GPAM: variants seen among roughly 807,000 people sequenced by gnomAD.
GPAM encodes glycerol-3-phosphate acyltransferase, mitochondrial.
In GPAM, 56 loss-of-function variants were observed where a neutral mutation model predicts 105.0. The observed-to-expected ratio is 0.53, with a 90% confidence interval of 0.43 to 0.67. GPAM has a LOEUF of 0.67. Among genes scored for constraint, GPAM ranks in the 30% least tolerant of loss-of-function variants. The pLI is 0.00. For synonymous variants in GPAM, 368 were observed against 354.4 expected (o/e 1.04, Z -0.43); for missense variants, 855 against 989.8 (o/e 0.86, Z 1.83).
chr10:112,161,666 C>T lies in GPAM; in HGVS notation c.1494+1G>A. On this transcript the variant is annotated splice_donor_variant, in intron 15 of 21. Coordinates refer to ENST00000348367, the MANE Select transcript of GPAM (RefSeq NM_001244949.2). LOFTEE classifies it high-confidence loss of function. ...AACTGCAGGTGACATTGCAGACATA[C>T]CTGCCTGTGTCTGTAGAGGAGCAGG... The T allele has an allele frequency of 6.2e-7, 1 of 1,610,088 alleles. No homozygotes were observed. Among genetic ancestry groups the T allele is most frequent in the Non-Finnish European group, 8.5e-7 (1 of 1,176,442 alleles).
chr10:112,191,577 C>T (rs1477042438), intron 1 of GPAM, among the ~76,000 whole-genome samples: 3 of 152,164 alleles, frequency 2.0e-5, no homozygotes, highest in East Asian at 3.9e-4. Flanking sequence ...GGAGCATAGC[C>T]AGGCTCTGTG....
chr10:112,223,302 C>T, the GPAM span, among the ~76,000 whole-genome samples: 1 of 152,222 alleles, frequency 6.6e-6, no homozygotes, highest in Non-Finnish European at 1.5e-5. Flanking sequence ...AGGACTCACA[C>T]TGTTGAATAG....
chr10:112,153,157 A>G lies in GPAM; in HGVS notation c.*393T>C. 1 of 1,037,858 alleles carries G rather than the reference A, an allele frequency of 9.6e-7. No homozygotes were observed. The highest frequency in any genetic ancestry group is 1.2e-6 in the Non-Finnish European group (1 of 858,372). The allele number at this position is 1,037,858 out of a possible 1,614,324, so 64.3% of individuals were successfully genotyped here. On this transcript the variant is annotated 3_prime_UTR_variant, in exon 22 of 22. Coordinates refer to ENST00000348367, the MANE Select transcript of GPAM (RefSeq NM_001244949.2). The stretch of plus-strand genomic sequence containing the variant: ...CAGATAATATACCAACAAATTACCC[A>G]GCAGCACTAAGTATACCATGTAAGA...
At chr10:112,185,311 C>T (rs767701484), upstream of GPAM, among the ~76,000 whole-genome samples, 1 of 150,340 alleles carries the variant, frequency 6.7e-6, no homozygotes. Flanking sequence ...ATCAGGCATG[C>T]GAAAAGAAGC....
At chr10:112,157,720 C>CT (rs1847042847) in intron 18 of GPAM, among the ~76,000 whole-genome samples, 1 of 152,246 alleles carries the variant, frequency 6.6e-6, no homozygotes, top group Admixed American at 6.5e-5. Flanking sequence ...AAAATGAAAA[C>CT]TGCAGATGTG....
At position 112,181,748 on chromosome 10, in the gene GPAM, C is replaced by A; in HGVS notation, c.37G>T (p.Val13Phe). The change falls in exon 3 of 22, where the codon GTT (valine) becomes TTT (phenylalanine). Residue 13 changes from valine to phenylalanine, a missense_variant. By Grantham distance (50) the Val-to-Phe change is conservative. Coordinates refer to ENST00000348367, the MANE Select transcript of GPAM (RefSeq NM_001244949.2). ...TCTGATGAATGTGGCAGATAAGAAA[C>A]ATCTATTGTACCAAGGGTCAGTGCA... Reference protein sequence around the residue: ...ESALTLGTIDVSYLPHSSEYS... With the variant: ...ESALTLGTIDFSYLPHSSEYS... 6.2e-7 allele frequency: 1 copy of A among 1,609,630 alleles called. No individual in the cohort carries two copies.
chr10:112,204,334 T>A (rs1437886861), intron 1 of GPAM, among the ~76,000 whole-genome samples: 1 of 150,058 alleles, frequency 6.7e-6, no homozygotes, highest in African/African-American at 2.5e-5. Flanking sequence ...ACACAAGAGA[T>A]CTGGGGGCTC....
intron 1 of GPAM, among the ~76,000 whole-genome samples, chr10:112,207,843 C>T (rs1262236029): frequency 6.6e-6 from 1 of 152,134 alleles, no homozygotes; most frequent in African/African-American, 2.4e-5. Flanking sequence ...CAGTTGCTGT[C>T]ACAGAGAGAA....
Position 112,157,397 on chromosome 10 carries a change from A to G in GPAM, c.1981-8T>C. 3.1e-6 allele frequency: 5 copies of G among 1,613,536 alleles called. No individual in the cohort carries two copies. The highest frequency in any genetic ancestry group is 4.2e-6 in the Non-Finnish European group (5 of 1,179,522). On this transcript the variant is annotated splice_polypyrimidine_tract_variant and splice_region_variant and intron_variant, in intron 18 of 21. Coordinates refer to ENST00000348367, the MANE Select transcript of GPAM (RefSeq NM_001244949.2). ...ATCTTCCTGGTCATCGTGCTAGGCC[A>G]AGGAGATGATGGATAGTAAATAAAT...
intron 21 of GPAM, 70 bp downstream of exon 21, chr10:112,154,559 C>G: frequency 8.7e-7 from 1 of 1,147,552 alleles, no homozygotes; most frequent in Non-Finnish European, 1.3e-6. Context: ...ACAAAGGTAG[C>G]TCAAACAGAC....
chr10:112,160,380 C>T, intron 16 of GPAM: 3 of 970,024 alleles, frequency 3.1e-6, no homozygotes, highest in Non-Finnish European at 3.7e-6. Context: ...GACACTCTAC[C>T]TCTCCTGAAA....
At chr10:112,226,217 G>A in the GPAM span, among the ~76,000 whole-genome samples, 1 of 152,184 alleles carries the variant, frequency 6.6e-6, no homozygotes, top group African/African-American at 2.4e-5. Context: ...TGCTAAAGGA[G>A]GGAGAAGACT....
At chr10:112,218,158 G>A (rs374012838), upstream of GPAM, among the ~76,000 whole-genome samples, 2 of 152,212 alleles carry the variant, frequency 1.3e-5, no homozygotes, top group East Asian at 1.9e-4. Context: ...CCTACTGAGG[G>A]CAGTGCCTCT....
At chr10:112,176,079 A>T (rs1847398971) in intron 5 of GPAM, among the ~76,000 whole-genome samples, 1 of 152,246 alleles carries the variant, frequency 6.6e-6, no homozygotes, top group Non-Finnish European at 1.5e-5. Flanking sequence ...CATACAGCTT[A>T]TATTTATAGC....
chr10:112,184,811 G>A (rs936692070), upstream of GPAM, among the ~76,000 whole-genome samples: 1 of 152,162 alleles, frequency 6.6e-6, no homozygotes, highest in African/African-American at 2.4e-5. Context: ...ATATCAGAAA[G>A]GAGAAAGCTA....
intron 9 of GPAM, among the ~76,000 whole-genome samples, chr10:112,170,285 T>G (rs954125357): frequency 5.3e-5 from 8 of 152,030 alleles, no homozygotes; most frequent in Non-Finnish European, 8.8e-5. Flanking sequence ...ATAAAATGAA[T>G]GAGATGAGCC....
At chr10:112,226,576 CA>C in the GPAM span, among the ~76,000 whole-genome samples, 8 of 152,206 alleles carry the variant, frequency 5.3e-5, no homozygotes, top group Admixed American at 3.9e-4. Flanking sequence ...AAAGTGGGAC[CA>C]GGGGGCCAAC....
chr10:112,164,213 T>C (rs1847174090), intron 13 of GPAM, among the ~76,000 whole-genome samples: 1 of 152,202 alleles, frequency 6.6e-6, no homozygotes, highest in Non-Finnish European at 1.5e-5. Context: ...CAAAATTCTT[T>C]CATATGGTTC....
At chr10:112,178,542 T>C (rs1385241794) in intron 4 of GPAM, among the ~76,000 whole-genome samples, 2 of 147,876 alleles carry the variant, frequency 1.4e-5, no homozygotes, top group Non-Finnish European at 3.0e-5. Flanking sequence ...AAAGCAAGAC[T>C]CCATCTCAAA....
Sources: allele counts gnomAD v4.1 joint callset (sites outside exome capture counted in the v4.1 genomes callset), GRCh38; gene constraint gnomAD v4.1.1; transcripts MANE v1.5; gene names NCBI Gene and HGNC (gene_info 2026-07-23, HGNC 2026-07-21).